Variants in DENND1A observed in about 807,000 individuals in gnomAD.
DENND1A encodes DENN domain containing 1A.
DENND1A carries 51 observed loss-of-function variants against 113.7 expected under a neutral mutation model. The ratio of observed to expected loss-of-function variants is 0.45; its 90% CI spans 0.36 to 0.57. DENND1A has a LOEUF of 0.57. DENND1A is among the 20% of genes least tolerant of loss of function. The pLI, the probability that DENND1A is intolerant of heterozygous loss-of-function variation, is 0.00. For missense variants in DENND1A, 1,258 were observed against 1,395.9 expected (o/e 0.90, Z 1.57); for synonymous variants, 565 against 570.8 (o/e 0.99, Z 0.14).
chr9:123,677,583 G>A lies in DENND1A; in HGVS notation c.303-794C>T, dbSNP rs527822937. Among the ~76,000 whole-genome samples, 176 of 152,172 alleles carry A rather than the reference G, an allele frequency of 1.2e-3. 1 individual carries two copies. Among genetic ancestry groups the A allele is most frequent in the African/African-American group, 4.0e-3 (168 of 41,526 alleles). On this transcript the variant is annotated intron_variant, in intron 5 of 23. Coordinates refer to ENST00000394215, the MANE Select transcript of DENND1A (RefSeq NM_001352964.2). Reference sequence around the variant, plus strand: ...TGAGTAGCTGGGACTACAGGTGTGCGCCACCATGCCTGGCTAATTTTTGTA... The same window carrying A: ...TGAGTAGCTGGGACTACAGGTGTGCACCACCATGCCTGGCTAATTTTTGTA...
At chr9:123,697,551 C>T (rs2065603774) in intron 5 of DENND1A, among the ~76,000 whole-genome samples, 1 of 152,178 alleles carries the variant, frequency 6.6e-6, no homozygotes, top group African/African-American at 2.4e-5. Flanking sequence ...CCATTCTTCC[C>T]CTCAAGTCCC....
chr9:123,767,188 C>CATT (rs1336874754), intron 4 of DENND1A, among the ~76,000 whole-genome samples: 1 of 152,022 alleles, frequency 6.6e-6, no homozygotes, highest in Non-Finnish European at 1.5e-5. Flanking sequence ...GAACTTTATT[C>CATT]ATTATTATTA....
chr9:123,469,462 AG>A (rs1237493639), intron 13 of DENND1A, among the ~76,000 whole-genome samples: 1 of 152,266 alleles, frequency 6.6e-6, no homozygotes, highest in African/African-American at 2.4e-5. Context: ...TTCAAATCAC[AG>A]GCGTGTCGGC....
intron 20 of DENND1A, among the ~76,000 whole-genome samples, chr9:123,408,955 A>C (rs554099738): frequency 1.3e-5 from 2 of 152,314 alleles, no homozygotes; most frequent in African/African-American, 2.4e-5. Flanking sequence ...TCTGAGAGCT[A>C]CCTGCTGCTG....
chr9:123,627,910 C>T (rs1445306173), intron 10 of DENND1A, among the ~76,000 whole-genome samples: 4 of 152,040 alleles, frequency 2.6e-5, no homozygotes, highest in East Asian at 1.9e-4. Flanking sequence ...TAGTGCTTTT[C>T]GGTCTATAAA....
At chr9:123,899,198 C>T (rs1257643887) in intron 1 of DENND1A, among the ~76,000 whole-genome samples, 2 of 152,198 alleles carry the variant, frequency 1.3e-5, no homozygotes, top group Non-Finnish European at 2.9e-5. Flanking sequence ...AGGCACTGTG[C>T]TTCTCTTCTG....
At chr9:123,455,566 G>A (rs1013521487) in intron 15 of DENND1A, among the ~76,000 whole-genome samples, 1 of 152,134 alleles carries the variant, frequency 6.6e-6, no homozygotes, top group East Asian at 1.9e-4. Flanking sequence ...AACAGCCCTC[G>A]GGAATAGGTA....
chr9:123,612,745 G>GAATTACTAAA (rs1216109877), intron 10 of DENND1A, among the ~76,000 whole-genome samples: 2 of 152,114 alleles, frequency 1.3e-5, no homozygotes, highest in Non-Finnish European at 2.9e-5. Context: ...CCTAGACACC[G>GAATTACTAAA]AATTACTAAA....
At chr9:123,513,182 C>T (rs2053597067) in intron 13 of DENND1A, among the ~76,000 whole-genome samples, 1 of 152,216 alleles carries the variant, frequency 6.6e-6, no homozygotes, top group Non-Finnish European at 1.5e-5. Flanking sequence ...CCTCTGTTGA[C>T]TGTGATTCTC....
intron 2 of DENND1A, among the ~76,000 whole-genome samples, chr9:123,823,479 A>G (rs1301971223): frequency 6.6e-6 from 1 of 152,134 alleles, no homozygotes; most frequent in East Asian, 1.9e-4. Context: ...AAGGCCAGAG[A>G]AGGAAGCTTG....
intron 13 of DENND1A, among the ~76,000 whole-genome samples, chr9:123,478,070 G>A (rs1037880195): frequency 1.3e-5 from 2 of 152,190 alleles, no homozygotes; most frequent in Non-Finnish European, 2.9e-5. Context: ...CAGATTCTGA[G>A]TTTCTAGAAC....
At chr9:123,547,176 T>C (rs190126536) in intron 13 of DENND1A, among the ~76,000 whole-genome samples, 2 of 152,354 alleles carry the variant, frequency 1.3e-5, no homozygotes, top group Admixed American at 6.5e-5. Context: ...TTTTTCTCAA[T>C]AGGCAACAAA....
At chr9:123,760,504 G>A (rs948781194) in intron 4 of DENND1A, among the ~76,000 whole-genome samples, 9 of 152,074 alleles carry the variant, frequency 5.9e-5, no homozygotes, top group East Asian at 1.9e-4. Flanking sequence ...AAAACAAGGT[G>A]GCAATTTAAA....
chr9:123,769,370 G>A (rs779796300), intron 4 of DENND1A, 144 bp downstream of exon 4: 31 of 665,212 alleles, frequency 4.7e-5, no homozygotes, highest in East Asian at 3.5e-4. Context: ...CCCCAGGAAG[G>A]GAGAATATTG....
chr9:123,815,023 T>C (rs1479346353), intron 2 of DENND1A, among the ~76,000 whole-genome samples: 1 of 152,192 alleles, frequency 6.6e-6, no homozygotes, highest in Non-Finnish European at 1.5e-5. Flanking sequence ...TCTTCTTCAT[T>C]AAAATATAAA....
chr9:123,720,891 G>A (rs1256156821), intron 5 of DENND1A, among the ~76,000 whole-genome samples: 1 of 152,190 alleles, frequency 6.6e-6, no homozygotes, highest in Non-Finnish European at 1.5e-5. Flanking sequence ...AAAAGAAATG[G>A]CATTCATGCA....
At chr9:123,643,380 A>G (rs1165280965) in intron 9 of DENND1A, among the ~76,000 whole-genome samples, 1 of 152,202 alleles carries the variant, frequency 6.6e-6, no homozygotes, top group Non-Finnish European at 1.5e-5. Context: ...TCTGAAAAGC[A>G]TCCGCTGGGT....
At chr9:123,608,239 C>G (rs1370818232) in intron 11 of DENND1A, among the ~76,000 whole-genome samples, 1 of 152,184 alleles carries the variant, frequency 6.6e-6, no homozygotes, top group East Asian at 1.9e-4. Flanking sequence ...GATCAAGATT[C>G]TCAATGTCAA....
intron 13 of DENND1A, among the ~76,000 whole-genome samples, chr9:123,499,398 C>A (rs1052962853): frequency 3.9e-5 from 6 of 152,212 alleles, no homozygotes; most frequent in Admixed American, 2.0e-4. Flanking sequence ...ACCAGAATAT[C>A]ATAAAGGGTT....
Sources: allele counts gnomAD v4.1 joint callset (sites outside exome capture counted in the v4.1 genomes callset), GRCh38; gene constraint gnomAD v4.1.1; transcripts MANE v1.5; gene names NCBI Gene and HGNC (gene_info 2026-07-23, HGNC 2026-07-21).